The following TYW1B variants were observed in gnomAD, a reference collection of about 807,000 sequenced individuals.
TYW1B encodes tRNA-yW synthesizing protein 1 homolog B, also known as S-adenosyl-L-methionine-dependent tRNA 4-demethylwyosine synthase TYW1B.
TYW1B carries 73 observed loss-of-function variants against 86.9 expected under a neutral mutation model. That is an observed-to-expected ratio of 0.84 (90% CI 0.70 to 1.02). TYW1B has a LOEUF of 1.02. Ranked by LOEUF, TYW1B falls within the 50% of genes least tolerant of loss-of-function variation. TYW1B has a pLI of 0.00. For missense variants in TYW1B, 637 were observed against 827.4 expected, an observed-to-expected ratio of 0.77 and a Z score of 2.82; for synonymous variants, 248 against 292.8, an observed-to-expected ratio of 0.85 and a Z score of 1.56.
intron 7 of TYW1B, among the ~76,000 whole-genome samples, chr7:72,774,577 C>T (rs1368876042): frequency 1.3e-5 from 2 of 151,726 alleles, no homozygotes; most frequent in Admixed American, 6.6e-5. Context: ...AAAAAATTAG[C>T]CAGGCGTGGT....
chr7:72,818,490 G>C (rs1563105390), intron 2 of TYW1B, among the ~76,000 whole-genome samples: 1 of 143,678 alleles, frequency 7.0e-6, no homozygotes, highest in Non-Finnish European at 1.5e-5. Context: ...GAGGTGGAAG[G>C]ATCGCTTGAG....
intron 3 of TYW1B, among the ~76,000 whole-genome samples, chr7:72,813,947 G>A: frequency 6.6e-6 from 1 of 151,490 alleles, no homozygotes; most frequent in East Asian, 1.9e-4. Flanking sequence ...CCCTGGAGCT[G>A]GAGGTTGCAG....
chr7:72,669,932 AAAATAAATAAATAAATAAAT>A (rs78712037), intron 11 of TYW1B, among the ~76,000 whole-genome samples: 55 of 141,060 alleles, frequency 3.9e-4, no homozygotes, highest in Non-Finnish European at 6.4e-4. Flanking sequence ...CCATTTCTAC[AAAATAAATAAATAAATAAAT>A]AAATAAATAA....
chr7:72,809,473 T>C (rs2129572666), intron 4 of TYW1B, among the ~76,000 whole-genome samples: 1 of 151,880 alleles, frequency 6.6e-6, no homozygotes, highest in East Asian at 2.0e-4. Context: ...GGCAACACAG[T>C]GAGACCCTCA....
At chr7:72,668,084 T>G (rs1459688172) in intron 11 of TYW1B, among the ~76,000 whole-genome samples, 4 of 152,212 alleles carry the variant, frequency 2.6e-5, no homozygotes, top group African/African-American at 9.6e-5. Context: ...CTCGGAGTCC[T>G]AGAAATGTCT....
intron 7 of TYW1B, among the ~76,000 whole-genome samples, chr7:72,759,284 G>A (rs1787648778): frequency 6.6e-6 from 1 of 152,150 alleles, no homozygotes; most frequent in African/African-American, 2.4e-5. Context: ...GCAGTGAGGT[G>A]AGATTGCACC....
chr7:72,796,268 GAGT>G, intron 6 of TYW1B, among the ~76,000 whole-genome samples: 1 of 64,728 alleles, frequency 1.5e-5, no homozygotes, highest in Middle Eastern at 9.8e-3. Flanking sequence ...TTTTGAGATG[GAGT>G]CTCGCTCTGT....
chr7:72,758,274 G>A (rs1563084152), intron 7 of TYW1B, among the ~76,000 whole-genome samples: 2 of 151,892 alleles, frequency 1.3e-5, no homozygotes, highest in South Asian at 4.2e-4. Flanking sequence ...CTATTTGAGG[G>A]GACAAGGCAG....
rs191473552 is a variant in TYW1B, at chr7:72,811,495, A to G, written c.238-830T>C. ...GGAATGTGGTGACCTTGCTTATCCA[A>G]TAAGAGTTGTATTTGGTGTTTGAGA... is the stretch of plus-strand genomic sequence containing the variant. On this transcript the variant is annotated intron_variant, in intron 3 of 13. Transcript: ENST00000620995. Among the ~76,000 whole-genome samples the G allele has an allele frequency of 3.1e-3, 469 of 152,010 alleles. 2 individuals carry two copies. The highest frequency in any genetic ancestry group is 0.011 in the African/African-American group (444 of 41,510).
intron 10 of TYW1B, among the ~76,000 whole-genome samples, chr7:72,696,943 A>G (rs1814333994): frequency 6.6e-6 from 1 of 151,778 alleles, no homozygotes; most frequent in Admixed American, 6.6e-5. Context: ...CAAAAGCATC[A>G]GTAATAACAG....
At chr7:72,643,285 T>C (rs1191805519) in intron 11 of TYW1B, among the ~76,000 whole-genome samples, 2 of 151,966 alleles carry the variant, frequency 1.3e-5, no homozygotes, top group East Asian at 3.9e-4. Context: ...AGTTACAAAT[T>C]AATGGAAAGA....
rs556679756 is a variant in TYW1B at position 72,636,114 on chromosome 7, G to T, written c.1507-7117C>A. ...TAGATCCTTTAAAATTTCTCTCAAT[G>T]ATATTTTATAGTTTTCAATATAAAG... is the stretch of plus-strand genomic sequence containing the variant. On this transcript the variant is annotated intron_variant, in intron 11 of 13. Coordinates refer to ENST00000620995, the MANE Select transcript of TYW1B (RefSeq NM_001145440.3). Among the ~76,000 whole-genome samples the T allele has an allele frequency of 5.6e-3, 853 of 152,236 alleles. 11 individuals carry two copies. The highest frequency in any genetic ancestry group is 0.02 in the African/African-American group (831 of 41,544).
At chr7:72,822,708 C>T (rs1324323327) in intron 2 of TYW1B, among the ~76,000 whole-genome samples, 14 of 152,094 alleles carry the variant, frequency 9.2e-5, no homozygotes, top group Non-Finnish European at 1.9e-4. Flanking sequence ...TCCTGTAATC[C>T]TAGCCCAATA....
chr7:72,770,082 A>C (rs1489896432), intron 7 of TYW1B, among the ~76,000 whole-genome samples: 2 of 151,642 alleles, frequency 1.3e-5, no homozygotes, highest in African/African-American at 4.8e-5. Flanking sequence ...CGAAAAAAAA[A>C]AAAACAAAAA....
chr7:72,640,150 C>T (rs1303712275), intron 11 of TYW1B, among the ~76,000 whole-genome samples: 1 of 150,974 alleles, frequency 6.6e-6, no homozygotes, highest in African/African-American at 2.4e-5. Context: ...TAGTTAAAAA[C>T]AAAAGAAAGC....
intron 7 of TYW1B, among the ~76,000 whole-genome samples, chr7:72,768,043 A>G (rs782616224): frequency 2.6e-5 from 4 of 152,114 alleles, no homozygotes; most frequent in Non-Finnish European, 5.9e-5. Context: ...TGAGTCCAAG[A>G]GTTCAAAACC....
chr7:72,683,883 T>C (rs1388489357), intron 11 of TYW1B, among the ~76,000 whole-genome samples: 6 of 151,818 alleles, frequency 4.0e-5, no homozygotes, highest in African/African-American at 1.2e-4. Flanking sequence ...TAAACAGAGA[T>C]CAAAATCCTA....
chr7:72,583,737 TTGTGA>T (rs1811211248), intron 13 of TYW1B, among the ~76,000 whole-genome samples: 1 of 152,222 alleles, frequency 6.6e-6, no homozygotes, highest in Non-Finnish European at 1.5e-5. Flanking sequence ...TGACAAATCC[TTGTGA>T]AGTGTCCTAC....
intron 2 of TYW1B, among the ~76,000 whole-genome samples, chr7:72,821,399 T>C (rs1788825625): frequency 6.6e-6 from 1 of 152,286 alleles, no homozygotes; most frequent in South Asian, 2.1e-4. Context: ...ATGTCCAACC[T>C]TGGATTGTGT....
Sources: allele counts gnomAD v4.1 joint callset (sites outside exome capture counted in the v4.1 genomes callset), GRCh38; gene constraint gnomAD v4.1.1; transcripts MANE v1.5; gene names NCBI Gene and HGNC (gene_info 2026-07-23, HGNC 2026-07-21).